The following EPC1 variants were observed in gnomAD, a reference collection of about 807,000 sequenced individuals.
The protein encoded by EPC1 is enhancer of polycomb homolog 1.
A neutral mutation model predicts 98.4 loss-of-function variants in EPC1; 12 were observed. That is an observed-to-expected ratio of 0.12 (90% confidence interval 0.08 to 0.20). The LOEUF (loss-of-function observed/expected upper bound fraction) is 0.20. Ranked by LOEUF, EPC1 falls within the 10% of genes least tolerant of loss-of-function variation. The pLI is 1.00. For synonymous variants in EPC1, 357 were observed against 363.9 expected (o/e 0.98, Z 0.21); for missense variants, 729 against 990.5 (o/e 0.74, Z 3.54).
chr10:32,372,805 G>A (rs1839787637), intron 1 of EPC1, among the ~76,000 whole-genome samples: 1 of 152,230 alleles, frequency 6.6e-6, no homozygotes, highest in African/African-American at 2.4e-5. Flanking sequence ...TGGATCACCT[G>A]AGATCAGGAG....
At chr10:32,275,938 TAA>T (rs112016260) in intron 10 of EPC1, among the ~76,000 whole-genome samples, 15 of 144,352 alleles carry the variant, frequency 1.0e-4, no homozygotes, top group Middle Eastern at 3.6e-3. Flanking sequence ...CTCCGTCTCA[TAA>T]AAAAAAAAAA....
chr10:32,361,829 C>G (rs1208473569), intron 1 of EPC1, among the ~76,000 whole-genome samples: 1 of 152,168 alleles, frequency 6.6e-6, no homozygotes, highest in Non-Finnish European at 1.5e-5. Context: ...ACAGTTAAGG[C>G]ATTCTAAGTC....
chr10:32,287,010 C>A lies in EPC1; in HGVS notation c.1158G>T (p.Leu386Phe). ...SSDEEPLSQV[L>F]SGSSEAEEDN... ...CTTCCTCAGCTTCCGAAGAGCCAGA[C>A]AAAACCTTTAAATGAAATAAAGAAA... The change falls in exon 8 of 14, where the codon TTG (leucine) becomes TTT (phenylalanine). Residue 386 changes from leucine (L) to phenylalanine (F), a missense_variant. Physicochemically the swap from Leu to Phe is conservative, Grantham distance 22. Coordinates refer to ENST00000319778, the MANE Select transcript of EPC1 (RefSeq NM_001272004.3). The A allele has an allele frequency of 1.2e-6, 2 of 1,613,996 alleles. No individual in the cohort carries two copies. Among genetic ancestry groups the A allele is most frequent in the Non-Finnish European group, 8.5e-7 (1 of 1,179,990 alleles).
intron 1 of EPC1, among the ~76,000 whole-genome samples, chr10:32,328,597 C>A (rs1017514033): frequency 6.6e-6 from 1 of 152,212 alleles, no homozygotes; most frequent in African/African-American, 2.4e-5. Flanking sequence ...AAGGAGGAAT[C>A]AATCTCCTAG....
At chr10:32,294,295 T>A (rs574841647) in intron 2 of EPC1, among the ~76,000 whole-genome samples, 8 of 152,344 alleles carry the variant, frequency 5.3e-5, no homozygotes, top group African/African-American at 1.7e-4. Context: ...CAGAAGTGTT[T>A]TGGATTTTGG....
chr10:32,361,005 T>C (rs980922725), intron 1 of EPC1, among the ~76,000 whole-genome samples: 1 of 152,154 alleles, frequency 6.6e-6, no homozygotes, highest in Admixed American at 6.5e-5. Context: ...AAAAACATGC[T>C]TGTAACAAAG....
intron 1 of EPC1, chr10:32,377,521 A>C (rs1344748522): frequency 1.3e-5 from 2 of 152,242 alleles, no homozygotes; most frequent in African/African-American, 4.8e-5. Flanking sequence ...TGCAAACTGC[A>C]TGCCTGTCCC....
chr10:32,273,191 T>C lies in EPC1; in HGVS notation c.1835A>G (p.Asn612Ser). Residue 612 changes from asparagine (N) to serine (S), a missense_variant, in exon 11 of 14, where the codon AAT becomes AGT. Coordinates refer to ENST00000319778, the MANE Select transcript of EPC1 (RefSeq NM_001272004.3). ...TGATGTGTTGGTGGAGGAATTACTATTTGCTTGCTGTTGCTGAATTTGTGC... is the reference window on the plus strand; with the variant it reads ...TGATGTGTTGGTGGAGGAATTACTACTTGCTTGCTGTTGCTGAATTTGTGC... ...QLAQIQQQQA[N>S]SNSSTNTSQG... 1.2e-6 allele frequency: 2 copies of C among 1,614,172 alleles called. No individual in the cohort carries two copies. The highest frequency in any genetic ancestry group is 1.7e-6 in the Non-Finnish European group (2 of 1,179,996).
chr10:32,354,559 T>C (rs1839216041), intron 1 of EPC1, among the ~76,000 whole-genome samples: 1 of 152,200 alleles, frequency 6.6e-6, no homozygotes, highest in Non-Finnish European at 1.5e-5. Context: ...ACATTTTAGA[T>C]TTTCTATGTA....
chr10:32,275,405 G>A (rs1836029284), intron 10 of EPC1, among the ~76,000 whole-genome samples: 1 of 152,182 alleles, frequency 6.6e-6, no homozygotes, highest in Non-Finnish European at 1.5e-5. Context: ...AGGCCGAGGT[G>A]GGTGGATCAC....
At chr10:32,371,346 C>A (rs1839742864) in intron 1 of EPC1, among the ~76,000 whole-genome samples, 1 of 152,096 alleles carries the variant, frequency 6.6e-6, no homozygotes, top group Admixed American at 6.6e-5. Context: ...TTCTCAGTCT[C>A]ATGGATACTA....
At chr10:32,322,063 T>C (rs1836959639) in intron 1 of EPC1, among the ~76,000 whole-genome samples, 1 of 147,148 alleles carries the variant, frequency 6.8e-6, no homozygotes, top group South Asian at 2.2e-4. Context: ...CTGCTGCTAA[T>C]GTCCAGGCAT....
intron 1 of EPC1, among the ~76,000 whole-genome samples, chr10:32,352,201 C>T (rs954793279): frequency 1.3e-5 from 2 of 151,710 alleles, no homozygotes; most frequent in African/African-American, 2.4e-5. Flanking sequence ...CCTGCCACCA[C>T]GCCCGGCTAA....
chr10:32,322,517 T>C (rs1048322907), intron 1 of EPC1, among the ~76,000 whole-genome samples: 5 of 152,204 alleles, frequency 3.3e-5, no homozygotes, highest in Non-Finnish European at 7.3e-5. Context: ...TAGACTAAAT[T>C]TGACCATGCA....
chr10:32,296,744 T>C (rs909293069), intron 2 of EPC1, among the ~76,000 whole-genome samples: 4 of 151,998 alleles, frequency 2.6e-5, no homozygotes, highest in African/African-American at 9.7e-5. Context: ...CTATCTCTAC[T>C]AAAACTACAA....
At chr10:32,364,200 GA>G (rs1839530638) in intron 1 of EPC1, among the ~76,000 whole-genome samples, 1 of 72,922 alleles carries the variant, frequency 1.4e-5, no homozygotes. Context: ...TTTTAGTAGA[GA>G]CTTTTAGTAG....
At position 32,269,182 on chromosome 10, in the gene EPC1, T is replaced by G. The variant is rs565426031; in HGVS notation, c.2370-47A>C. The stretch of plus-strand genomic sequence containing the variant: ...AATTACTTATCTACAACATAAATAT[T>G]CAGCAAATGAACATTATCTTCCCAA... On this transcript the variant is annotated intron_variant, in intron 13 of 13. Coordinates refer to ENST00000319778, the MANE Select transcript of EPC1 (RefSeq NM_001272004.3). 6 of 1,507,666 alleles carry G rather than the reference T, an allele frequency of 4.0e-6. No individual in the cohort carries two copies. The African/African-American group carries it at 6.9e-5, about 17-fold the overall frequency. 93.4% of individuals were successfully genotyped at this position (1,507,666 alleles called of 1,614,324 possible).
At chr10:32,295,805 T>C (rs867019817) in intron 2 of EPC1, among the ~76,000 whole-genome samples, 3 of 152,190 alleles carry the variant, frequency 2.0e-5, no homozygotes, top group Non-Finnish European at 2.9e-5. Flanking sequence ...TGGCTAGTGT[T>C]GTATTAGCAC....
At chr10:32,288,775 G>A (rs183821073) in intron 6 of EPC1, among the ~76,000 whole-genome samples, 4 of 152,018 alleles carry the variant, frequency 2.6e-5, no homozygotes, top group South Asian at 2.1e-4. Flanking sequence ...GGGCTCAGAG[G>A]GGGGGACCAC....
Sources: gnomAD v4.1 joint callset for allele counts (sites outside exome capture counted in the v4.1 genomes callset) on GRCh38, gnomAD v4.1.1 for gene constraint, MANE v1.5 for transcripts, NCBI Gene and HGNC (gene_info 2026-07-23, HGNC 2026-07-21) for gene names.